Variants in RAD51B observed in about 807,000 individuals in gnomAD.
RAD51B encodes the protein DNA repair protein RAD51 homolog 2.
In RAD51B, 38 loss-of-function variants were observed where a neutral mutation model predicts 42.2. The observed-to-expected ratio is 0.90, with a 90% CI of 0.70 to 1.18. The LOEUF (loss-of-function observed/expected upper bound fraction) is 1.18, where lower values mean the gene tolerates loss of function less well. Ranked by LOEUF, RAD51B falls within the 50% of genes most tolerant of loss-of-function variation. The pLI, the probability that RAD51B is intolerant of heterozygous loss-of-function variation, is 0.00. For missense variants in RAD51B, 373 were observed against 400.7 expected, an observed-to-expected ratio of 0.93 and a Z score of 0.59; for synonymous variants, 154 against 145.2, an observed-to-expected ratio of 1.06 and a Z score of -0.43.
chr14:68,311,472 A>G (rs563725258), intron 8 of RAD51B, among the ~76,000 whole-genome samples: 1 of 152,324 alleles, frequency 6.6e-6, no homozygotes, highest in East Asian at 1.9e-4. Flanking sequence ...GCAATCTTTA[A>G]GCTATCTCAG....
At chr14:68,245,421 A>T (rs1017867234) in intron 7 of RAD51B, among the ~76,000 whole-genome samples, 6 of 152,182 alleles carry the variant, frequency 3.9e-5, no homozygotes, top group African/African-American at 1.4e-4. Flanking sequence ...GATTTGTATG[A>T]TATTGGTATG....
chr14:67,950,802 A>G (rs980672579), intron 7 of RAD51B, among the ~76,000 whole-genome samples: 2 of 151,400 alleles, frequency 1.3e-5, no homozygotes, highest in African/African-American at 4.9e-5. Context: ...TGGTTATTTC[A>G]TTTTTTTTCC....
At chr14:68,064,146 G>A (rs1258360939) in intron 7 of RAD51B, among the ~76,000 whole-genome samples, 1 of 152,176 alleles carries the variant, frequency 6.6e-6, no homozygotes, top group African/African-American at 2.4e-5. Context: ...GCCTAGTGGT[G>A]ATGAATTCTC....
intron 7 of RAD51B, among the ~76,000 whole-genome samples, chr14:68,022,400 G>A (rs551760903): frequency 1.3e-5 from 2 of 152,274 alleles, no homozygotes; most frequent in Admixed American, 1.3e-4. Context: ...ACATATGAGT[G>A]CCTGTGTCTT....
intron 7 of RAD51B, among the ~76,000 whole-genome samples, chr14:67,889,981 G>A (rs989969217): frequency 6.6e-6 from 1 of 152,162 alleles, no homozygotes; most frequent in South Asian, 2.1e-4. Flanking sequence ...CTGCCATTGG[G>A]ATGGAAGATG....
intron 8 of RAD51B, among the ~76,000 whole-genome samples, chr14:68,352,197 G>T (rs2082804155): frequency 6.6e-6 from 1 of 152,216 alleles, no homozygotes; most frequent in South Asian, 2.1e-4. Context: ...ATGAATGATA[G>T]AATTAATGAA....
At chr14:68,679,009 C>A (rs1893370772) in intron 11 of RAD51B, among the ~76,000 whole-genome samples, 1 of 152,180 alleles carries the variant, frequency 6.6e-6, no homozygotes, top group Non-Finnish European at 1.5e-5. Context: ...GCCCCCACCC[C>A]CTCAAATTGG....
chr14:68,226,961 A>T (rs1463876492), intron 7 of RAD51B, among the ~76,000 whole-genome samples: 3 of 152,206 alleles, frequency 2.0e-5, no homozygotes, highest in Non-Finnish European at 2.9e-5. Flanking sequence ...ATTATGCCCT[A>T]CTAAATGATA....
chr14:68,601,813 C>G (rs1891230645), intron 10 of RAD51B, among the ~76,000 whole-genome samples: 2 of 152,166 alleles, frequency 1.3e-5, no homozygotes, highest in South Asian at 4.1e-4. Context: ...CTTTCTGGAA[C>G]ATGACACTGG....
chr14:68,550,348 T>C (rs1888472072), intron 10 of RAD51B, among the ~76,000 whole-genome samples: 1 of 152,230 alleles, frequency 6.6e-6, no homozygotes, highest in African/African-American at 2.4e-5. Context: ...TGATTATTCA[T>C]GGAATCTTTC....
At chr14:68,417,971 G>C (rs757960153) in intron 9 of RAD51B, among the ~76,000 whole-genome samples, 5 of 152,176 alleles carry the variant, frequency 3.3e-5, no homozygotes, top group Non-Finnish European at 7.3e-5. Flanking sequence ...GACCACGATA[G>C]ACCGTGTACC....
At chr14:68,107,381 A>G (rs951873395) in intron 7 of RAD51B, among the ~76,000 whole-genome samples, 1 of 151,878 alleles carries the variant, frequency 6.6e-6, no homozygotes, top group Non-Finnish European at 1.5e-5. Flanking sequence ...TCATATATTC[A>G]TGAATCAGGA....
intron 10 of RAD51B, among the ~76,000 whole-genome samples, chr14:68,631,939 G>A (rs551541373): frequency 3.9e-5 from 6 of 152,244 alleles, no homozygotes; most frequent in African/African-American, 7.2e-5. Context: ...TTCATCTTTC[G>A]ATCCTCTGCA....
chr14:68,262,142 T>G (rs2080902927), intron 7 of RAD51B, among the ~76,000 whole-genome samples: 1 of 152,208 alleles, frequency 6.6e-6, no homozygotes, highest in African/African-American at 2.4e-5. Flanking sequence ...GCAGCATGTG[T>G]GTGTGTGCAC....
At chr14:68,362,614 C>T (rs1334013443) in intron 8 of RAD51B, among the ~76,000 whole-genome samples, 2 of 152,104 alleles carry the variant, frequency 1.3e-5, no homozygotes, top group East Asian at 3.9e-4. Flanking sequence ...CTTTGGGAGG[C>T]CAAGGTGGGC....
At chr14:68,043,386 G>A (rs2076245813) in intron 7 of RAD51B, among the ~76,000 whole-genome samples, 1 of 152,152 alleles carries the variant, frequency 6.6e-6, no homozygotes, top group African/African-American at 2.4e-5. Flanking sequence ...TATCTTGGGT[G>A]GAATTTAATT....
chr14:68,499,034 C>T (rs953521653), intron 10 of RAD51B, among the ~76,000 whole-genome samples: 2 of 152,106 alleles, frequency 1.3e-5, no homozygotes, highest in African/African-American at 4.8e-5. Context: ...GAGTTGTGCC[C>T]CCTTTTCAGT....
intron 7 of RAD51B, among the ~76,000 whole-genome samples, chr14:68,211,547 G>A (rs1039406163): frequency 6.6e-6 from 1 of 152,182 alleles, no homozygotes; most frequent in Non-Finnish European, 1.5e-5. Flanking sequence ...AAAGGCCTTA[G>A]GCCAGAGTGA....
chr14:68,012,705 G>A (rs762462336), intron 7 of RAD51B, among the ~76,000 whole-genome samples: 6 of 152,208 alleles, frequency 3.9e-5, no homozygotes, highest in Non-Finnish European at 7.4e-5. Context: ...TCCTTATAGG[G>A]TTATTGGGAG....
Sources: allele counts gnomAD v4.1 joint callset (sites outside exome capture counted in the v4.1 genomes callset), GRCh38; gene constraint gnomAD v4.1.1; transcripts MANE v1.5; gene names NCBI Gene and HGNC (gene_info 2026-07-23, HGNC 2026-07-21).